The following KIAA1549L variants were observed in gnomAD, a reference collection of about 807,000 sequenced individuals.
The protein encoded by KIAA1549L is UPF0606 protein KIAA1549L.
KIAA1549L carries 88 observed loss-of-function variants against 160.7 expected under a neutral mutation model. The ratio of observed to expected loss-of-function variants is 0.55; its 90% CI spans 0.46 to 0.65. The LOEUF (loss-of-function observed/expected upper bound fraction) is 0.65. KIAA1549L is among the 30% of genes least tolerant of loss of function. The probability of loss-of-function intolerance (pLI) is 0.00; values close to 1 mark genes in which losing one functional copy is unlikely to be tolerated. For missense variants in KIAA1549L, 2,258 were observed against 2,437.5 expected (o/e 0.93, Z 1.55); for synonymous variants, 950 against 976.7 (o/e 0.97, Z 0.51).
chr11:33,527,629 T>C (rs1163677015), intron 1 of KIAA1549L, among the ~76,000 whole-genome samples: 2 of 151,974 alleles, frequency 1.3e-5, no homozygotes, highest in Admixed American at 6.6e-5. Flanking sequence ...GCAAAACAAA[T>C]AATCAGAGTA....
At chr11:33,500,240 C>G (rs756811315) in intron 1 of KIAA1549L, among the ~76,000 whole-genome samples, 10 of 152,152 alleles carry the variant, frequency 6.6e-5, no homozygotes, top group South Asian at 2.1e-4. Context: ...GGTTAAGTAA[C>G]TGTTTCAAGA....
intron 12 of KIAA1549L, among the ~76,000 whole-genome samples, chr11:33,597,457 C>T (rs554606653): frequency 3.9e-5 from 6 of 152,164 alleles, no homozygotes; most frequent in South Asian, 2.1e-4. Context: ...AGAAGCTGCT[C>T]GCCTACTGAT....
At chr11:33,639,261 T>C (rs1361226497) in intron 16 of KIAA1549L, among the ~76,000 whole-genome samples, 1 of 152,176 alleles carries the variant, frequency 6.6e-6, no homozygotes, top group Non-Finnish European at 1.5e-5. Flanking sequence ...GTGTGCACTA[T>C]TGTAGATGTA....
chr11:33,613,125 T>C (rs1850690124), intron 15 of KIAA1549L, among the ~76,000 whole-genome samples: 1 of 152,180 alleles, frequency 6.6e-6, no homozygotes, highest in Non-Finnish European at 1.5e-5. Context: ...ATAATAGTAA[T>C]GGAATTGCTG....
In KIAA1549L at chr11:33,414,103, C is replaced by A. The variant is rs1850837057; in HGVS notation, c.238+37214C>A. Among the ~76,000 whole-genome samples, 2 of 152,284 alleles carry A rather than the reference C, an allele frequency of 1.3e-5. 1 individual carries two copies. Among genetic ancestry groups the A allele is most frequent in the South Asian group, 4.1e-4 (2 of 4,820 alleles). ...TGACATCATTTCTTCATTCAGTAAA[C>A]CTGCTGCCTAGTATTTTTATTAACT... On this transcript the variant is annotated intron_variant, in intron 1 of 20. Coordinates refer to ENST00000658780, the MANE Select transcript of KIAA1549L (RefSeq NM_012194.3).
intron 14 of KIAA1549L, 124 bp downstream of exon 14, chr11:33,606,946 T>A: frequency 1.4e-6 from 1 of 738,162 alleles, no homozygotes; most frequent in Non-Finnish European, 2.2e-6. Flanking sequence ...CATTTTTACC[T>A]CTGCATGTAC....
At chr11:33,403,294 C>CGCAG (rs1850552484) in intron 1 of KIAA1549L, 12 of 38,584 alleles carry the variant, frequency 3.1e-4, no homozygotes, top group Non-Finnish European at 5.0e-4. Flanking sequence ...CACACACACA[C>CGCAG]ACACACGCAT....
chr11:33,565,172 A>C (rs891940001), intron 8 of KIAA1549L, among the ~76,000 whole-genome samples: 2 of 152,110 alleles, frequency 1.3e-5, no homozygotes, highest in African/African-American at 4.8e-5. Flanking sequence ...AGAGAGGTAC[A>C]TGCCCCTTTC....
intron 1 of KIAA1549L, among the ~76,000 whole-genome samples, chr11:33,449,144 G>GT (rs1225470422): frequency 1.3e-5 from 2 of 151,952 alleles, no homozygotes; most frequent in Non-Finnish European, 2.9e-5. Context: ...CTAATTTTCA[G>GT]TTTTTCCCTT....
At chr11:33,649,379 T>C (rs898108843) in intron 17 of KIAA1549L, among the ~76,000 whole-genome samples, 41 of 150,190 alleles carry the variant, frequency 2.7e-4, no homozygotes, top group African/African-American at 9.9e-4. Flanking sequence ...GCTGGGCCTG[T>C]AGTCCTAGCT....
chr11:33,402,895 C>T (rs1281540126), intron 1 of KIAA1549L, among the ~76,000 whole-genome samples: 3 of 152,160 alleles, frequency 2.0e-5, no homozygotes, highest in Non-Finnish European at 4.4e-5. Context: ...TAGGGCCCTG[C>T]TCTAGTCCTT....
intron 1 of KIAA1549L, among the ~76,000 whole-genome samples, chr11:33,394,994 A>C (rs1281614757): frequency 1.3e-5 from 2 of 152,206 alleles, no homozygotes; most frequent in South Asian, 2.1e-4. Context: ...TGAAACACGT[A>C]ATCTTAGAGT....
intron 10 of KIAA1549L, among the ~76,000 whole-genome samples, chr11:33,578,955 A>G (rs1170264899): frequency 6.6e-6 from 1 of 152,176 alleles, no homozygotes; most frequent in Non-Finnish European, 1.5e-5. Context: ...TCCTGGTTCT[A>G]TTCTTGTGAA....
At chr11:33,637,452 G>A (rs554164772) in intron 16 of KIAA1549L, among the ~76,000 whole-genome samples, 8 of 152,320 alleles carry the variant, frequency 5.3e-5, no homozygotes, top group African/African-American at 1.9e-4. Context: ...TGGCCTTTAA[G>A]ACCCTGCATG....
chr11:33,383,367 A>G (rs1315856190), intron 1 of KIAA1549L, among the ~76,000 whole-genome samples: 3 of 152,216 alleles, frequency 2.0e-5, no homozygotes, highest in East Asian at 1.9e-4. Context: ...TTGCTTGACA[A>G]CATATTAGAG....
rs549634226 is a variant in KIAA1549L at position 33,669,882 on chromosome 11, G to A, written c.*1728G>A. On this transcript the variant is annotated 3_prime_UTR_variant, in exon 21 of 21. Coordinates refer to ENST00000658780, the MANE Select transcript of KIAA1549L (RefSeq NM_012194.3). ...TTAGTATGCTGGTTGATCTTTCATA[G>A]TGTTAGTGTTTTGTTACTTAAAAAG... The A allele has an allele frequency of 3.3e-5, 5 of 152,284 alleles. No homozygotes were observed. The highest frequency in any genetic ancestry group is 1.2e-4 in the African/African-American group (5 of 41,556). 9.4% of individuals were successfully genotyped at this position (152,284 alleles called of 1,614,324 possible).
chr11:33,476,130 T>A (rs1317404903), intron 1 of KIAA1549L, among the ~76,000 whole-genome samples: 1 of 152,240 alleles, frequency 6.6e-6, no homozygotes, highest in Non-Finnish European at 1.5e-5. Flanking sequence ...TCTATTACTG[T>A]GCTGAAATTG....
intron 1 of KIAA1549L, among the ~76,000 whole-genome samples, chr11:33,428,383 C>T (rs1308350993): frequency 6.6e-6 from 1 of 152,028 alleles, no homozygotes; most frequent in Non-Finnish European, 1.5e-5. Context: ...ATACATGTGC[C>T]ATTTGGTTTG....
chr11:33,530,829 A>G (rs1445266013), intron 1 of KIAA1549L, among the ~76,000 whole-genome samples: 2 of 152,196 alleles, frequency 1.3e-5, no homozygotes, highest in Admixed American at 1.3e-4. Flanking sequence ...TAAACAAATT[A>G]TAATGCCACA....
Sources: allele counts gnomAD v4.1 joint callset (sites outside exome capture counted in the v4.1 genomes callset), GRCh38; gene constraint gnomAD v4.1.1; transcripts MANE v1.5; gene names NCBI Gene and HGNC (gene_info 2026-07-23, HGNC 2026-07-21).